NEDD4L: variants seen among roughly 807,000 people sequenced by gnomAD.
NEDD4L encodes the protein E3 ubiquitin-protein ligase NEDD4-like.
NEDD4L carries 54 observed loss-of-function variants against 148.9 expected under a neutral mutation model. The ratio of observed to expected loss-of-function variants is 0.36; its 90% CI spans 0.29 to 0.45. NEDD4L has a LOEUF of 0.45. Ranked by LOEUF, NEDD4L falls within the 20% of genes least tolerant of loss-of-function variation. The pLI, the probability that NEDD4L is intolerant of heterozygous loss-of-function variation, is 1.00. For missense variants in NEDD4L, 856 were observed against 1,233.8 expected (o/e 0.69, Z 4.59); for synonymous variants, 433 against 440.7 (o/e 0.98, Z 0.22).
At chr18:58,367,318 G>GTC in intron 21 of NEDD4L, 3 of 164,574 alleles carry the variant, frequency 1.8e-5, no homozygotes, top group Admixed American at 5.9e-5. Context: ...CCAAGGGTTG[G>GTC]GCCCATAGCA....
chr18:58,294,993 T>C (rs1032938132), intron 5 of NEDD4L, among the ~76,000 whole-genome samples: 7 of 152,206 alleles, frequency 4.6e-5, no homozygotes, highest in South Asian at 2.1e-4. Flanking sequence ...CAGAGCATAA[T>C]TGAGAGGAAG....
intron 2 of NEDD4L, among the ~76,000 whole-genome samples, chr18:58,192,791 T>G (rs1364501654): frequency 6.6e-6 from 1 of 152,186 alleles, no homozygotes. Flanking sequence ...CTCCAGGAAT[T>G]TATCATCACT....
At chr18:58,387,317 C>A in intron 26 of NEDD4L, 122 bp from the exon 27 acceptor site, 1 of 1,117,046 alleles carries the variant, frequency 9.0e-7, no homozygotes, top group Non-Finnish European at 1.2e-6. Context: ...CTGTCACTGA[C>A]ATAGGAATCA....
Position 58,199,286 on chromosome 18 carries a change from A to G in NEDD4L, c.122+33425A>G, listed in dbSNP as rs558729518. ...TGCTTAAAGCCGGTGGTTCTCAACCAGTGGCAGTTTTGCCTTCTCTCCCAC... is the reference window on the plus strand; with the variant it reads ...TGCTTAAAGCCGGTGGTTCTCAACCGGTGGCAGTTTTGCCTTCTCTCCCAC... On this transcript the variant is annotated intron_variant, in intron 2 of 30. Coordinates refer to ENST00000400345, the MANE Select transcript of NEDD4L (RefSeq NM_001144967.3). Among the ~76,000 whole-genome samples, 9 of 152,296 alleles carry G rather than the reference A, an allele frequency of 5.9e-5. No homozygotes were observed. The East Asian group carries it at 1.7e-3, about 29-fold the overall frequency.
intron 1 of NEDD4L, among the ~76,000 whole-genome samples, chr18:58,092,019 G>A (rs2084101278): frequency 6.6e-6 from 1 of 152,228 alleles, no homozygotes; most frequent in African/African-American, 2.4e-5. Flanking sequence ...TGGAACTCAT[G>A]ACTCTGTTAT....
At chr18:58,355,282 G>C (rs2044455425) in intron 18 of NEDD4L, among the ~76,000 whole-genome samples, 1 of 152,248 alleles carries the variant, frequency 6.6e-6, no homozygotes, top group Non-Finnish European at 1.5e-5. Flanking sequence ...GGGACCACCA[G>C]AGTGAGTGAC....
chr18:58,244,045 T>C (rs1272160305), intron 2 of NEDD4L, among the ~76,000 whole-genome samples: 1 of 152,234 alleles, frequency 6.6e-6, no homozygotes, highest in Non-Finnish European at 1.5e-5. Context: ...CAAACTTTTA[T>C]CATACTTCCT....
chr18:58,315,367 C>T (rs74448991), intron 5 of NEDD4L, among the ~76,000 whole-genome samples: 14,153 of 151,772 alleles, frequency 0.093, 711 homozygotes, highest in Middle Eastern at 0.15. Context: ...GGGAGAGATA[C>T]GTGCAGTATG....
intron 1 of NEDD4L, among the ~76,000 whole-genome samples, chr18:58,059,802 G>T (rs2082247578): frequency 6.6e-6 from 1 of 152,054 alleles, no homozygotes; most frequent in African/African-American, 2.4e-5. Flanking sequence ...AAGTATGTGG[G>T]GTAATGCATA....
At chr18:58,199,707 T>C (rs746604934) in intron 2 of NEDD4L, among the ~76,000 whole-genome samples, 6 of 152,240 alleles carry the variant, frequency 3.9e-5, no homozygotes, top group Non-Finnish European at 7.3e-5. Flanking sequence ...TTTCTTTAGC[T>C]AAGGATGCCT....
At chr18:58,177,524 C>T (rs1288739210) in intron 2 of NEDD4L, among the ~76,000 whole-genome samples, 1 of 152,178 alleles carries the variant, frequency 6.6e-6, no homozygotes, top group African/African-American at 2.4e-5. Flanking sequence ...TTCTCTGAAC[C>T]TTTTTAATGG....
At chr18:58,066,556 G>A (rs1372841263) in intron 1 of NEDD4L, among the ~76,000 whole-genome samples, 1 of 152,040 alleles carries the variant, frequency 6.6e-6, no homozygotes, top group Non-Finnish European at 1.5e-5. Flanking sequence ...CTGACCTCGT[G>A]TTCCACTCAC....
chr18:58,390,155 G>C (rs1473060725), intron 28 of NEDD4L: 7 of 153,534 alleles, frequency 4.6e-5, no homozygotes, highest in Non-Finnish European at 7.3e-5. Context: ...AGATATGTAA[G>C]ATACACAGAT....
At chr18:58,373,368 C>A in intron 24 of NEDD4L, 99 bp downstream of exon 24, 1 of 703,516 alleles carries the variant, frequency 1.4e-6, no homozygotes, top group Non-Finnish European at 2.6e-6. Flanking sequence ...TCAGAAACAA[C>A]CAGCAGGAGC....
At chr18:58,356,382 G>A (rs948779694) in intron 18 of NEDD4L, among the ~76,000 whole-genome samples, 8 of 145,562 alleles carry the variant, frequency 5.5e-5, no homozygotes, top group African/African-American at 2.0e-4. Context: ...TACCTTTCAT[G>A]TGAGTCCATT....
At position 58,110,730 on chromosome 18, in the gene NEDD4L, A is replaced by C. The variant is rs1238213671; in HGVS notation, c.49-55058A>C. 2.6e-5 allele frequency among the ~76,000 whole-genome samples: 4 copies of C among 152,298 alleles called. No homozygotes were observed. The South Asian group carries it at 6.2e-4, about 24-fold the overall frequency. Reference sequence around the variant, plus strand: ...GCCTAATCTAGCCCTTCCTGACTCAAGTTTTTGTGTAAGAGACCAAACCTT... The same window carrying C: ...GCCTAATCTAGCCCTTCCTGACTCACGTTTTTGTGTAAGAGACCAAACCTT... On this transcript the variant is annotated intron_variant, in intron 1 of 30. Coordinates refer to ENST00000400345, the MANE Select transcript of NEDD4L (RefSeq NM_001144967.3).
At chr18:58,165,760 A>C in intron 1 of NEDD4L, 28 bp from the exon 2 acceptor site, 1 of 1,595,198 alleles carries the variant, frequency 6.3e-7, no homozygotes, top group Non-Finnish European at 8.6e-7. Context: ...CAGGTTTTTA[A>C]CCTCTTTTTT....
At chr18:58,315,904 C>G (rs1318376305) in intron 5 of NEDD4L, 78 bp from the exon 6 acceptor site, 2 of 1,266,956 alleles carry the variant, frequency 1.6e-6, no homozygotes, top group Middle Eastern at 1.8e-4. Context: ...TGTCTCTATT[C>G]ATGATAAAAC....
At chr18:58,328,393 T>G (rs1387948038) in intron 9 of NEDD4L, among the ~76,000 whole-genome samples, 1 of 152,208 alleles carries the variant, frequency 6.6e-6, no homozygotes, top group Non-Finnish European at 1.5e-5. Flanking sequence ...TCTCCTGATG[T>G]TATTAGGATT....
Sources: allele counts gnomAD v4.1 joint callset (sites outside exome capture counted in the v4.1 genomes callset), GRCh38; gene constraint gnomAD v4.1.1; transcripts MANE v1.5; gene names NCBI Gene and HGNC (gene_info 2026-07-23, HGNC 2026-07-21).